Variants in CALN1 observed in about 807,000 individuals in gnomAD.
CALN1 encodes the protein calcium-binding protein 8.
CALN1 carries 17 observed loss-of-function variants against 30.6 expected under a neutral mutation model. The ratio of observed to expected loss-of-function variants is 0.56; its 90% CI spans 0.38 to 0.83. The LOEUF is 0.83. Among genes scored for constraint, CALN1 ranks in the 40% least tolerant of loss-of-function variants. The probability of loss-of-function intolerance (pLI) is 0.00; values close to 1 mark genes in which losing one functional copy is unlikely to be tolerated. For missense variants in CALN1, 291 were observed against 354.9 expected, an observed-to-expected ratio of 0.82 and a Z score of 1.45; for synonymous variants, 156 against 131.4, an observed-to-expected ratio of 1.19 and a Z score of -1.28.
intron 2 of CALN1, among the ~76,000 whole-genome samples, chr7:72,280,114 T>C (rs1402407896): frequency 2.0e-5 from 3 of 152,226 alleles, no homozygotes; most frequent in Non-Finnish European, 4.4e-5. Context: ...CACCCGGATG[T>C]CAAACCCTCA....
intron 4 of CALN1, among the ~76,000 whole-genome samples, chr7:72,025,342 A>G (rs1293480183): frequency 6.6e-6 from 1 of 152,076 alleles, no homozygotes; most frequent in Non-Finnish European, 1.5e-5. Flanking sequence ...AATAAAATAA[A>G]ATAAAACCTT....
chr7:72,400,854 CT>C (rs1429810535), intron 2 of CALN1, among the ~76,000 whole-genome samples: 2 of 152,172 alleles, frequency 1.3e-5, no homozygotes, highest in East Asian at 3.9e-4. Flanking sequence ...GATAACTCTC[CT>C]GGGCTTCTGT....
intron 1 of CALN1, among the ~76,000 whole-genome samples, chr7:72,408,335 G>A (rs1346132081): frequency 1.3e-5 from 2 of 151,678 alleles, no homozygotes; most frequent in Non-Finnish European, 1.5e-5. Context: ...CAGCTACTCA[G>A]GAGGGTAAGG....
intron 2 of CALN1, among the ~76,000 whole-genome samples, chr7:72,380,103 T>C (rs1585619449): frequency 6.6e-6 from 1 of 152,218 alleles, no homozygotes; most frequent in Non-Finnish European, 1.5e-5. Flanking sequence ...ACATTGTTTT[T>C]TATTAATTTG....
intron 3 of CALN1, among the ~76,000 whole-genome samples, chr7:72,276,058 T>A (rs1413981037): frequency 3.9e-5 from 6 of 152,140 alleles, no homozygotes; most frequent in Non-Finnish European, 8.8e-5. Flanking sequence ...GGGGGGAGAA[T>A]ATGGAAAGCC....
intron 4 of CALN1, among the ~76,000 whole-genome samples, chr7:72,034,962 T>C (rs970347839): frequency 2.6e-5 from 4 of 152,104 alleles, no homozygotes; most frequent in Non-Finnish European, 4.4e-5. Context: ...GTCTGATTTC[T>C]CTGCATAAGT....
At chr7:72,001,573 C>T (rs548476441) in intron 5 of CALN1, among the ~76,000 whole-genome samples, 1 of 152,282 alleles carries the variant, frequency 6.6e-6, no homozygotes, top group East Asian at 1.9e-4. Context: ...ATATAAAACC[C>T]TAAGTCAAAG....
At chr7:71,972,279 G>T (rs1797887061) in intron 5 of CALN1, among the ~76,000 whole-genome samples, 2 of 152,094 alleles carry the variant, frequency 1.3e-5, no homozygotes, top group Non-Finnish European at 1.5e-5. Flanking sequence ...TCAATAGTGG[G>T]CGTTTGCATT....
At chr7:72,127,647 C>T (rs191742169) in intron 3 of CALN1, among the ~76,000 whole-genome samples, 15 of 152,236 alleles carry the variant, frequency 9.9e-5, no homozygotes, top group African/African-American at 2.9e-4. Flanking sequence ...GGAGGGACAT[C>T]AGGAGGGCTC....
At chr7:71,938,448 T>A (rs970435016) in intron 5 of CALN1, among the ~76,000 whole-genome samples, 12 of 152,108 alleles carry the variant, frequency 7.9e-5, no homozygotes, top group African/African-American at 2.9e-4. Context: ...ATTATAGCCA[T>A]AATGTGTGTC....
chr7:71,920,330 C>CTTTT (rs71092931), intron 5 of CALN1, among the ~76,000 whole-genome samples: 36 of 98,728 alleles, frequency 3.6e-4, no homozygotes, highest in Non-Finnish European at 4.3e-4. Flanking sequence ...CAAATTAGTT[C>CTTTT]TTTTTTTTTT....
intron 3 of CALN1, among the ~76,000 whole-genome samples, chr7:72,138,806 C>G (rs879139124): frequency 6.6e-6 from 1 of 152,170 alleles, no homozygotes; most frequent in African/African-American, 2.4e-5. Flanking sequence ...CTTACCCTTT[C>G]TTTCAGAACT....
At chr7:72,089,593 G>C (rs1805715744) in intron 4 of CALN1, among the ~76,000 whole-genome samples, 1 of 152,092 alleles carries the variant, frequency 6.6e-6, no homozygotes, top group Non-Finnish European at 1.5e-5. Flanking sequence ...TTCCTGGAAG[G>C]AAAAGAAACT....
intron 4 of CALN1, among the ~76,000 whole-genome samples, chr7:72,093,741 G>A (rs371752158): frequency 7.9e-5 from 12 of 152,102 alleles, no homozygotes; most frequent in African/African-American, 1.9e-4. Flanking sequence ...TTGCTTCTGC[G>A]GTGGTTCTAA....
chr7:72,401,203 CCCAA>C (rs1806314234), intron 2 of CALN1, among the ~76,000 whole-genome samples: 1 of 152,118 alleles, frequency 6.6e-6, no homozygotes, highest in Non-Finnish European at 1.5e-5. Flanking sequence ...GAAGGAGGTT[CCCAA>C]CCAAAGAACT....
chr7:72,032,348 TCCTGGC>T (rs1562993956), intron 4 of CALN1, among the ~76,000 whole-genome samples: 1 of 152,218 alleles, frequency 6.6e-6, no homozygotes, highest in East Asian at 1.9e-4. Flanking sequence ...GCCCAGCTAC[TCCTGGC>T]TAATTTTTAA....
chr7:72,159,043 G>A (rs1308664222), intron 3 of CALN1, among the ~76,000 whole-genome samples: 1 of 151,842 alleles, frequency 6.6e-6, no homozygotes, highest in African/African-American at 2.4e-5. Flanking sequence ...AGTAGAGATG[G>A]GGTTTCTCCA....
chr7:72,193,452 T>C (rs1467228361), intron 3 of CALN1, among the ~76,000 whole-genome samples: 5 of 152,156 alleles, frequency 3.3e-5, no homozygotes, highest in Admixed American at 2.6e-4. Context: ...CAGATGCCAT[T>C]GTAGGAAGAC....
intron 2 of CALN1, among the ~76,000 whole-genome samples, chr7:72,359,744 G>A (rs1385586985): frequency 6.6e-6 from 1 of 152,018 alleles, no homozygotes; most frequent in African/African-American, 2.4e-5. Flanking sequence ...GGGAGGCTGA[G>A]GCGAGAGGAT....
Sources: allele counts gnomAD v4.1 joint callset (sites outside exome capture counted in the v4.1 genomes callset), GRCh38; gene constraint gnomAD v4.1.1; transcripts MANE v1.5; gene names NCBI Gene and HGNC (gene_info 2026-07-23, HGNC 2026-07-21).